SOD2: variants seen among roughly 807,000 people sequenced by gnomAD.
SOD2 encodes the protein superoxide dismutase 2.
In SOD2, 11 loss-of-function variants were observed where a neutral mutation model predicts 27.0. The observed-to-expected ratio is 0.41, with a 90% CI of 0.26 to 0.67. The LOEUF is 0.67. Among genes scored for constraint, SOD2 ranks in the 30% least tolerant of loss-of-function variants. SOD2 has a pLI of 0.34. For synonymous variants in SOD2, 105 were observed against 103.0 expected (o/e 1.02, Z -0.12); for missense variants, 250 against 274.5 (o/e 0.91, Z 0.63).
At chr6:159,740,652 CATAGAA>C (rs2114915894) in intron 1 of SOD2, among the ~76,000 whole-genome samples, 1 of 149,940 alleles carries the variant, frequency 6.7e-6, no homozygotes, top group East Asian at 2.0e-4. Context: ...TCAGTGTTTA[CATAGAA>C]AGTGGATTAG....
intron 1 of SOD2, among the ~76,000 whole-genome samples, chr6:159,724,645 G>A (rs562957388): frequency 1.3e-5 from 2 of 152,156 alleles, no homozygotes; most frequent in East Asian, 3.9e-4. Context: ...GATCACTTGA[G>A]CCCAGGAGTT....
chr6:159,716,956 A>G (rs897509341), intron 1 of SOD2, among the ~76,000 whole-genome samples: 1 of 152,198 alleles, frequency 6.6e-6, no homozygotes, highest in African/African-American at 2.4e-5. Context: ...GTGTGCCACA[A>G]TACCCCAGCA....
chr6:159,702,296 T>A (rs1021847331), intron 1 of SOD2, among the ~76,000 whole-genome samples: 18 of 135,196 alleles, frequency 1.3e-4, no homozygotes, highest in East Asian at 6.6e-4. Context: ...CTGTATAAAA[T>A]TTTTTTTTTT....
intron 1 of SOD2, among the ~76,000 whole-genome samples, chr6:159,708,665 A>T (rs2114817035): frequency 6.6e-6 from 1 of 152,348 alleles, no homozygotes. Context: ...GGATGGGAAG[A>T]ATCAATATCG....
chr6:159,693,267 T>A, upstream of SOD2: 1 of 1,160,652 alleles, frequency 8.6e-7, no homozygotes, highest in Non-Finnish European at 1.2e-6. Flanking sequence ...CCCGCGGGCC[T>A]TAAGAAAGCG....
upstream of SOD2, among the ~76,000 whole-genome samples, chr6:159,730,358 G>C (rs747252634): frequency 6.6e-6 from 1 of 152,094 alleles, no homozygotes; most frequent in Non-Finnish European, 1.5e-5. Flanking sequence ...TACGAGAATA[G>C]ATTGTTCTGA....
At chr6:159,736,917 C>T (rs1217470892) in intron 1 of SOD2, among the ~76,000 whole-genome samples, 1 of 152,162 alleles carries the variant, frequency 6.6e-6, no homozygotes, top group South Asian at 2.1e-4. Context: ...GCTTACTAAA[C>T]TTAATATTTA....
At chr6:159,751,132 A>G (rs997967217) in intron 1 of SOD2, among the ~76,000 whole-genome samples, 22 of 152,268 alleles carry the variant, frequency 1.4e-4, no homozygotes, top group Non-Finnish European at 4.4e-5. Context: ...ATTATTTCAA[A>G]AACAACTACT....
intron 2 of SOD2, chr6:159,691,893 G>A (rs1777216798): frequency 6.6e-6 from 1 of 152,230 alleles, no homozygotes; most frequent in Non-Finnish European, 1.5e-5. Context: ...ATCCTGAACT[G>A]TTCCACAGTT....
intron 1 of SOD2, chr6:159,713,090 T>A (rs2077560): frequency 0.45 from 322,308 of 717,760 alleles, 76,308 homozygotes; most frequent in Admixed American, 0.56. Context: ...AATTATAACA[T>A]TCTTAGTGGC....
chr6:159,762,064 G>C, exon 1 of SOD2: 1 of 1,612,040 alleles, frequency 6.2e-7, no homozygotes, highest in Middle Eastern at 1.7e-4. Context: ...GCAGCGCAGG[G>C]CAGACGGCGG....
At position 159,672,502 on chromosome 6, in the gene SOD2, A is replaced by C. The variant is rs1038039530; in HGVS notation, c.*9991T>G. ...ATATCCAGCCAAACTAAGCTTCATAAGTGAAGGAGAAATAAAATCCTTTAC... is the reference window on the plus strand; with the variant it reads ...ATATCCAGCCAAACTAAGCTTCATACGTGAAGGAGAAATAAAATCCTTTAC... On this transcript the variant is annotated 3_prime_UTR_variant, in exon 5 of 5. Coordinates refer to ENST00000538183, the MANE Select transcript of SOD2 (RefSeq NM_000636.4). 2 of 152,198 alleles carry C rather than the reference A, an allele frequency of 1.3e-5. No individual in the cohort carries two copies. Among genetic ancestry groups the C allele is most frequent in the African/African-American group, 4.8e-5 (2 of 41,446 alleles). The allele number at this position is 152,198 out of a possible 1,614,324, so 9.4% of individuals were successfully genotyped here. A position where few individuals can be genotyped will look rare whatever the true frequency, so the allele number is the denominator to read the frequency against.
chr6:159,727,161 C>T (rs1174118096), exon 1 of SOD2: 3 of 1,195,828 alleles, frequency 2.5e-6, no homozygotes, highest in Middle Eastern at 2.4e-4. Flanking sequence ...CCGCGGAGCT[C>T]GCGCCAGGCT....
upstream of SOD2, among the ~76,000 whole-genome samples, chr6:159,695,090 G>GA (rs1209457164): frequency 5.3e-5 from 8 of 152,132 alleles, no homozygotes; most frequent in Admixed American, 2.0e-4. Flanking sequence ...GTCTCAGCAG[G>GA]AGGTACTGCA....
chr6:159,697,158 C>T (rs2758351), upstream of SOD2, among the ~76,000 whole-genome samples: 61,762 of 151,660 alleles, frequency 0.41, 13,845 homozygotes, highest in Admixed American at 0.51. Flanking sequence ...TTAAAAAAAT[C>T]GTTGTTGCTA....
Position 159,739,978 on chromosome 6 carries a change from A to C in SOD2, c.-116+5152T>G, listed in dbSNP as rs549807258. On this transcript the variant is annotated intron_variant, in intron 1 of 3. Transcript: ENST00000537657. ...ATGCTGAAGTATATACTTAAGATAC[A>C]CTACTACTCAATGCTGGGTTTTTTT... Among the ~76,000 whole-genome samples, 10 of 152,082 alleles carry C rather than the reference A, an allele frequency of 6.6e-5. No homozygotes were observed. In the South Asian group the frequency reaches 2.1e-3, roughly 32 times the overall value.
At chr6:159,726,303 C>G (rs1367745977) in intron 1 of SOD2, 1 of 154,118 alleles carries the variant, frequency 6.5e-6, no homozygotes, top group Admixed American at 6.4e-5. Flanking sequence ...TCTCCTTTGG[C>G]TTTTGCACTT....
rs1015726572 is a variant in SOD2, at chr6:159,674,124, A to T, written c.*8369T>A. ...AATTAATAGCCTACCAACCAAAAAA[A>T]GTCCAGGACAAGATGGATTCACAGC... On this transcript the variant is annotated 3_prime_UTR_variant, in exon 5 of 5. Transcript: ENST00000538183. The T allele has an allele frequency of 6.6e-6, 1 of 152,242 alleles. No individual in the cohort carries two copies. 9.4% of individuals were successfully genotyped at this position (152,242 alleles called of 1,614,324 possible). A position where few individuals can be genotyped will look rare whatever the true frequency, so the allele number is the denominator to read the frequency against.
chr6:159,720,242 A>C (rs1778007779), intron 1 of SOD2, among the ~76,000 whole-genome samples: 1 of 150,110 alleles, frequency 6.7e-6, no homozygotes, highest in African/African-American at 2.5e-5. Flanking sequence ...GCAAAGACAG[A>C]GTTTCACCAT....
Sources: allele counts gnomAD v4.1 joint callset (sites outside exome capture counted in the v4.1 genomes callset), GRCh38; gene constraint gnomAD v4.1.1; transcripts MANE v1.5; gene names NCBI Gene and HGNC (gene_info 2026-07-23, HGNC 2026-07-21).